The following ZNF639 variants were observed in gnomAD, a reference collection of about 807,000 sequenced individuals.
ZNF639 encodes zinc finger amplified in esophageal squamous cell carcinomas 1.
Under a neutral mutation model 39.8 loss-of-function variants are expected in ZNF639, and 20 were observed. The ratio of observed to expected loss-of-function variants is 0.50; its 90% CI spans 0.35 to 0.73. ZNF639 has a LOEUF of 0.73. Ranked by LOEUF, ZNF639 falls within the 30% of genes least tolerant of loss-of-function variation. The pLI is 0.00. For missense variants in ZNF639, 477 were observed against 566.2 expected (o/e 0.84, Z 1.60); for synonymous variants, 176 against 189.8 (o/e 0.93, Z 0.60).
intron 4 of ZNF639, chr3:179,330,117 TG>T (rs1727826128): frequency 6.5e-6 from 1 of 154,738 alleles, no homozygotes; most frequent in Non-Finnish European, 1.4e-5. Flanking sequence ...TTCACCATGT[TG>T]GTCAGGCTGG....
chr3:179,337,484 G>GT lies in ZNF639; in HGVS notation c.*3063dup, dbSNP rs1467514709. On this transcript the variant is annotated 3_prime_UTR_variant, in exon 6 of 6. Transcript: ENST00000496856. ...CCCAAGTAGCTGGGATTATAGGCGT[G>GT]TGCCACCACACCCGGCTAATTTTTG... 1.3e-5 allele frequency: 2 copies of GT among 150,390 alleles called. No individual in the cohort carries two copies. Among genetic ancestry groups the GT allele is most frequent in the African/African-American group, 4.9e-5 (2 of 40,958 alleles). 9.3% of individuals were successfully genotyped at this position (150,390 alleles called of 1,614,324 possible).
At chr3:179,325,157 G>C (rs1727515753) in intron 1 of ZNF639, 1 of 152,394 alleles carries the variant, frequency 6.6e-6, no homozygotes, top group East Asian at 1.9e-4. Flanking sequence ...GAGTAGCTCA[G>C]ATTACAGGCA....
In ZNF639 at chr3:179,334,448, T is replaced by C; in HGVS notation, c.*26T>C. ...TTATTCTCTTTAACTTACAGAATGT[T>C]AGTTTAAAATAATAAATTCATCCTT... is the stretch of plus-strand genomic sequence containing the variant. On this transcript the variant is annotated 3_prime_UTR_variant, in exon 6 of 6. Coordinates refer to ENST00000496856, the MANE Select transcript of ZNF639 (RefSeq NM_001303426.2). 6.9e-7 allele frequency: 1 copy of C among 1,444,342 alleles called. No individual in the cohort carries two copies. The highest frequency in any genetic ancestry group is 1.6e-5 in the South Asian group (1 of 63,280). The allele number at this position is 1,444,342 out of a possible 1,614,324, so 89.5% of individuals were successfully genotyped here.
intron 4 of ZNF639, among the ~76,000 whole-genome samples, chr3:179,332,114 G>A (rs1289368496): frequency 6.6e-6 from 1 of 152,104 alleles, no homozygotes; most frequent in African/African-American, 2.4e-5. Flanking sequence ...GAACAGAAAA[G>A]GGACATTAGG....
chr3:179,328,126 T>C, intron 2 of ZNF639, 157 bp from the exon 3 acceptor site: 1 of 466,602 alleles, frequency 2.1e-6, no homozygotes, highest in South Asian at 3.3e-5. Context: ...CAATCTGAAA[T>C]ACAAACAGAG....
chr3:179,333,422 T>C lies in ZNF639; in HGVS notation c.458T>C (p.Ile153Thr), dbSNP rs201598787. The change falls in exon 6 of 6, where the codon ATA becomes ACA. Residue 153 changes from isoleucine to threonine, a missense_variant. Transcript: ENST00000496856. ...EVHAISEDYD[I>T]ETENNSSESL... Reference sequence around the variant, plus strand: ...CATGCGATTTCTGAGGATTATGATATAGAGACAGAAAACAATTCCTCTGAG... The same window carrying C: ...CATGCGATTTCTGAGGATTATGATACAGAGACAGAAAACAATTCCTCTGAG... 2.2e-5 allele frequency: 36 copies of C among 1,614,120 alleles called. No individual in the cohort carries two copies. In the East Asian group the frequency reaches 5.8e-4, roughly 26 times the overall value.
rs1281279432 is a variant in ZNF639, at chr3:179,332,986, C to T, written c.170-3C>T. 1 of 1,541,380 alleles carries T rather than the reference C, an allele frequency of 6.5e-7. No homozygotes were observed. Among genetic ancestry groups the T allele is most frequent in the South Asian group, 1.2e-5 (1 of 81,464 alleles). ...AAGTATTCTTCCAAATCCCTTTTTA[C>T]AGATGATGATTCTGATACCGAGACG... On this transcript the variant is annotated splice_region_variant and splice_polypyrimidine_tract_variant and intron_variant, in intron 4 of 5. Coordinates refer to ENST00000496856, the MANE Select transcript of ZNF639 (RefSeq NM_001303426.2).
In ZNF639 at chr3:179,333,052, G is replaced by T; in HGVS notation, c.233G>T (p.Arg78Ile). The change falls in exon 5 of 6, where the codon AGA becomes ATA. Residue 78 changes from arginine to isoleucine, a missense_variant. Physicochemically the swap from Arg to Ile is moderately conservative, Grantham distance 97. Coordinates refer to ENST00000496856, the MANE Select transcript of ZNF639 (RefSeq NM_001303426.2). ...LPKFADGIKA[R>I]NRNQNYLVPS... is the part of the protein sequence containing the mutation. ...AAATTTGCAGATGGAATCAAGGCCA[G>T]AAACAGAAATCAGAACTACCTGGTT... The T allele has an allele frequency of 6.4e-7, 1 of 1,571,524 alleles. No individual in the cohort carries two copies. Among genetic ancestry groups the T allele is most frequent in the South Asian group, 1.1e-5 (1 of 87,024 alleles).
Position 179,334,470 on chromosome 3 carries a change from C to A in ZNF639, c.*48C>A. 1 of 1,392,904 alleles carries A rather than the reference C, an allele frequency of 7.2e-7. No homozygotes were observed. Among genetic ancestry groups the A allele is most frequent in the Non-Finnish European group, 9.5e-7 (1 of 1,051,208 alleles). 86.3% of individuals were successfully genotyped at this position (1,392,904 alleles called of 1,614,324 possible). Reference sequence around the variant, plus strand: ...TGTTAGTTTAAAATAATAAATTCATCCTTTTTTTGGAGATGATTAAATGGA... The same window carrying A: ...TGTTAGTTTAAAATAATAAATTCATACTTTTTTTGGAGATGATTAAATGGA... On this transcript the variant is annotated 3_prime_UTR_variant, in exon 6 of 6. Coordinates refer to ENST00000496856, the MANE Select transcript of ZNF639 (RefSeq NM_001303426.2).
rs1276198424 is a variant in ZNF639, at chr3:179,337,043, G to T, written c.*2621G>T. The T allele has an allele frequency of 6.6e-6, 1 of 152,004 alleles. No individual in the cohort carries two copies. Among genetic ancestry groups the T allele is most frequent in the African/African-American group, 2.4e-5 (1 of 41,372 alleles). 9.4% of individuals were successfully genotyped at this position (152,004 alleles called of 1,614,324 possible). A position where few individuals can be genotyped will look rare whatever the true frequency, so the allele number is the denominator to read the frequency against. On this transcript the variant is annotated 3_prime_UTR_variant, in exon 6 of 6. Coordinates refer to ENST00000496856, the MANE Select transcript of ZNF639 (RefSeq NM_001303426.2). ...TGGGTGGCTGAGATGGGCAGATCAC[G>T]AGGTCAGGAGATCCAGACCATCCTG...
At chr3:179,323,818 C>T (rs1300207089) in intron 1 of ZNF639, 1 of 151,850 alleles carries the variant, frequency 6.6e-6, no homozygotes, top group East Asian at 1.9e-4. Flanking sequence ...AAGCCTCCAG[C>T]CTGAGAGTCG....
intron 4 of ZNF639, 57 bp from the exon 5 acceptor site, chr3:179,332,932 A>G (rs1000630852): frequency 6.1e-6 from 9 of 1,480,096 alleles, no homozygotes; most frequent in African/African-American, 1.4e-5. Context: ...GCTTTGTTCT[A>G]TAATTAATGC....
In ZNF639 at chr3:179,333,412, G is replaced by A. The variant is rs771313567; in HGVS notation, c.448G>A (p.Asp150Asn). 1 of 1,614,100 alleles carries A rather than the reference G, an allele frequency of 6.2e-7. No homozygotes were observed. Among genetic ancestry groups the A allele is most frequent in the South Asian group, 1.1e-5 (1 of 91,078 alleles). Residue 150 changes from aspartate to asparagine, a missense_variant, in exon 6 of 6, where the codon GAT becomes AAT. Transcript: ENST00000496856. ...IAVEVHAISE[D>N]YDIETENNSS... ...TGTAGAAGTGCATGCGATTTCTGAG[G>A]ATTATGATATAGAGACAGAAAACAA...
Position 179,324,747 on chromosome 3 carries a change from G to A in ZNF639, c.-83+1456G>A, listed in dbSNP as rs1727489320. Among the ~76,000 whole-genome samples, 4 of 152,234 alleles carry A rather than the reference G, an allele frequency of 2.6e-5. No individual in the cohort carries two copies. The South Asian group carries it at 8.3e-4, about 32-fold the overall frequency. ...CTTGCAACGTTGATTTTAATACCAC[G>A]CTTGGTTTCCTTTTCTTACTTTTAT... On this transcript the variant is annotated intron_variant, in intron 1 of 5. Transcript: ENST00000496856.
At chr3:179,332,948 T>C (rs1360861849) in intron 4 of ZNF639, 41 bp from the exon 5 acceptor site, 2 of 1,506,446 alleles carry the variant, frequency 1.3e-6, no homozygotes, top group Non-Finnish European at 1.8e-6. Context: ...AATGCTTTGA[T>C]TGTATAAATA....
Position 179,323,955 on chromosome 3 carries a change from C to T in ZNF639, c.-83+664C>T, listed in dbSNP as rs553851328. On this transcript the variant is annotated intron_variant, in intron 1 of 5. Transcript: ENST00000496856. ...TTTTTTCGAAGAGAAAGATTTATGC[C>T]GGACTGAAAAATAGCGAATCAAGTA... 6 of 152,230 alleles carry T rather than the reference C, an allele frequency of 3.9e-5. No individual in the cohort carries two copies. In the East Asian group the frequency reaches 7.7e-4, roughly 20 times the overall value. 9.4% of individuals were successfully genotyped at this position (152,230 alleles called of 1,614,324 possible). A position where few individuals can be genotyped will look rare whatever the true frequency, so the allele number is the denominator to read the frequency against.
Position 179,323,239 on chromosome 3 carries a change from G to GGCC in ZNF639, c.-125_-123dup, listed in dbSNP as rs1727381934. 7.1e-6 allele frequency: 7 copies of GGCC among 985,244 alleles called. No homozygotes were observed. The highest frequency in any genetic ancestry group is 3.5e-5 in the African/African-American group (2 of 57,292). 61.0% of individuals were successfully genotyped at this position (985,244 alleles called of 1,614,324 possible). On this transcript the variant is annotated 5_prime_UTR_variant, in exon 1 of 6. Coordinates refer to ENST00000496856, the MANE Select transcript of ZNF639 (RefSeq NM_001303426.2). ...GCGCGGCCCCTCCGCCTGCGCTCTC[G>GGCC]GCCGCCGCCGCCTCTGCGTGGGCCG... is the stretch of plus-strand genomic sequence containing the variant.
In ZNF639 at chr3:179,332,842, A is replaced by G. The variant is rs1256959891; in HGVS notation, c.170-147A>G. On this transcript the variant is annotated intron_variant, in intron 4 of 5. Transcript: ENST00000496856. ...TGAGCAGATTTTCTGTGTCTGAGGT[A>G]TATAGATAACTTATCTTTTTATGAC... 9 of 1,125,404 alleles carry G rather than the reference A, an allele frequency of 8.0e-6. No individual in the cohort carries two copies. In the East Asian group the frequency reaches 1.1e-4, roughly 14 times the overall value. The allele number at this position is 1,125,404 out of a possible 1,614,324, so 69.7% of individuals were successfully genotyped here. A position where few individuals can be genotyped will look rare whatever the true frequency, so the allele number is the denominator to read the frequency against.
chr3:179,324,136 C>G (rs1037577852), intron 1 of ZNF639, among the ~76,000 whole-genome samples: 2 of 152,104 alleles, frequency 1.3e-5, no homozygotes, highest in East Asian at 1.9e-4. Context: ...AAGCTTAACT[C>G]TTTTTAAACT....
Sources: allele counts gnomAD v4.1 joint callset (sites outside exome capture counted in the v4.1 genomes callset), GRCh38; gene constraint gnomAD v4.1.1; transcripts MANE v1.5; gene names NCBI Gene and HGNC (gene_info 2026-07-23, HGNC 2026-07-21).